UTS2B: variants seen among roughly 807,000 people sequenced by gnomAD.
UTS2B encodes the protein urotensin-2B.
A neutral mutation model predicts 19.2 loss-of-function variants in UTS2B; 21 were observed. The observed-to-expected ratio is 1.09, with a 90% CI of 0.78 to 1.58. The LOEUF is 1.58. Among genes scored for constraint, UTS2B ranks in the 40% most tolerant of loss-of-function variants. The pLI, the probability that UTS2B is intolerant of heterozygous loss-of-function variation, is 0.00. For synonymous variants in UTS2B, 57 were observed against 50.2 expected, an observed-to-expected ratio of 1.14 and a Z score of -0.58; for missense variants, 138 against 130.3, an observed-to-expected ratio of 1.06 and a Z score of -0.29.
intron 3 of UTS2B, among the ~76,000 whole-genome samples, chr3:191,307,838 T>TC (rs1491346858): frequency 1.5e-3 from 96 of 63,278 alleles, no homozygotes; most frequent in African/African-American, 7.5e-3. Context: ...TTTTCTTCTC[T>TC]TTTTTTTTTT....
chr3:191,287,004 C>CA (rs34046617), intron 4 of UTS2B, among the ~76,000 whole-genome samples: 1 of 151,130 alleles, frequency 6.6e-6, no homozygotes, highest in African/African-American at 2.4e-5. Flanking sequence ...TGAATAACTT[C>CA]AAAAAAAATG....
chr3:191,296,637 T>C (rs1297121936), intron 4 of UTS2B, among the ~76,000 whole-genome samples: 2 of 152,212 alleles, frequency 1.3e-5, no homozygotes, highest in Non-Finnish European at 2.9e-5. Context: ...AGAACACTTG[T>C]GGTTCTGTTT....
At chr3:191,305,660 T>C (rs1466838703) in intron 3 of UTS2B, among the ~76,000 whole-genome samples, 3 of 152,216 alleles carry the variant, frequency 2.0e-5, no homozygotes, top group Non-Finnish European at 2.9e-5. Context: ...AGAAGCTTCT[T>C]AGTTTAATTA....
chr3:191,306,459 C>T (rs777138918), intron 3 of UTS2B, among the ~76,000 whole-genome samples: 1 of 152,094 alleles, frequency 6.6e-6, no homozygotes, highest in Non-Finnish European at 1.5e-5. Flanking sequence ...ATTTTAATCC[C>T]TCCTTCCCAA....
the UTS2B span, among the ~76,000 whole-genome samples, chr3:191,342,961 G>A: frequency 2.0e-5 from 3 of 152,216 alleles, no homozygotes; most frequent in African/African-American, 4.8e-5. Context: ...AAAATATCCT[G>A]CAGTGCTCAA....
intron 2 of UTS2B, among the ~76,000 whole-genome samples, chr3:191,325,914 C>T (rs969409954): frequency 1.3e-5 from 2 of 152,148 alleles, no homozygotes; most frequent in African/African-American, 4.8e-5. Context: ...TTATTTAAGC[C>T]ATTCAGTCTG....
At chr3:191,299,868 A>C (rs574694474) in intron 4 of UTS2B, among the ~76,000 whole-genome samples, 47 of 152,362 alleles carry the variant, frequency 3.1e-4, no homozygotes, top group African/African-American at 1.1e-3. Flanking sequence ...ACAGGGGTGG[A>C]GCTGCCCAAG....
chr3:191,301,926 T>C (rs924539884), intron 4 of UTS2B, among the ~76,000 whole-genome samples: 1 of 152,188 alleles, frequency 6.6e-6, no homozygotes, highest in Non-Finnish European at 1.5e-5. Context: ...GTTTTTATCC[T>C]GCTTGTGTCA....
At chr3:191,274,774 T>TA (rs1468959192) in intron 8 of UTS2B, among the ~76,000 whole-genome samples, 2 of 151,986 alleles carry the variant, frequency 1.3e-5, no homozygotes, top group Non-Finnish European at 2.9e-5. Flanking sequence ...AAAAACAAAG[T>TA]AAGAAACAAT....
At chr3:191,336,848 A>G in the UTS2B span, among the ~76,000 whole-genome samples, 1 of 152,252 alleles carries the variant, frequency 6.6e-6, no homozygotes, top group South Asian at 2.1e-4. Context: ...TCTGATAAAG[A>G]ATGAGCAGTA....
At chr3:191,289,454 C>T (rs56148536) in intron 4 of UTS2B, among the ~76,000 whole-genome samples, 39 of 103,632 alleles carry the variant, frequency 3.8e-4, no homozygotes, top group Admixed American at 7.0e-4. Context: ...AAATAAAAAA[C>T]AAACGAAATT....
At chr3:191,276,892 T>TTAATTTGAAG in intron 6 of UTS2B, 48 bp from the exon 7 acceptor site, 1 of 1,562,490 alleles carries the variant, frequency 6.4e-7, no homozygotes, top group East Asian at 2.3e-5. Context: ...GCAAGTAATA[T>TTAATTTGAAG]TTAATTTGCT....
chr3:191,337,985 C>A, the UTS2B span, among the ~76,000 whole-genome samples: 4 of 152,082 alleles, frequency 2.6e-5, no homozygotes, highest in Admixed American at 2.0e-4. Flanking sequence ...CATTTCCAGT[C>A]CTGATACAGC....
At chr3:191,306,827 T>C (rs916627987) in intron 3 of UTS2B, among the ~76,000 whole-genome samples, 1 of 152,144 alleles carries the variant, frequency 6.6e-6, no homozygotes, top group African/African-American at 2.4e-5. Flanking sequence ...AGACAGAGTT[T>C]CACCGTGTTG....
At chr3:191,329,948 G>T (rs999248036) in intron 1 of UTS2B, among the ~76,000 whole-genome samples, 26 of 143,594 alleles carry the variant, frequency 1.8e-4, no homozygotes, top group Admixed American at 4.2e-4. Flanking sequence ...TGGTTGGGGG[G>T]GGGGGGGGCT....
the UTS2B span, among the ~76,000 whole-genome samples, chr3:191,336,230 T>C: frequency 6.6e-6 from 1 of 152,104 alleles, no homozygotes; most frequent in African/African-American, 2.4e-5. Flanking sequence ...ATGTTAAAAT[T>C]GTCAAACTGT....
intron 4 of UTS2B, among the ~76,000 whole-genome samples, chr3:191,291,358 A>G (rs1005452893): frequency 2.0e-5 from 3 of 152,168 alleles, no homozygotes; most frequent in African/African-American, 4.8e-5. Flanking sequence ...TTTGAGTACT[A>G]TAAGAAACTA....
chr3:191,329,663 C>A, intron 1 of UTS2B: 1 of 1,607,402 alleles, frequency 6.2e-7, no homozygotes, highest in Non-Finnish European at 8.5e-7. Flanking sequence ...GCAACCGGGA[C>A]CCTGGCCCGG....
rs762585855 is a variant in UTS2B at position 191,326,085 on chromosome 3, A to G, written c.-586+2546T>C. Among the ~76,000 whole-genome samples, 5 of 152,212 alleles carry G rather than the reference A, an allele frequency of 3.3e-5. 1 individual carries two copies. Among genetic ancestry groups the G allele is most frequent in the Non-Finnish European group, 5.9e-5 (4 of 68,038 alleles). On this transcript the variant is annotated intron_variant, in intron 2 of 8. Transcript: ENST00000340524. ...GCCAAGGAGACAGATAATTCTTTCC[A>G]GAAGTATAGTTCTGTGGGTCCCCTT... is the stretch of plus-strand genomic sequence containing the variant.
Sources: gnomAD v4.1 joint callset for allele counts (sites outside exome capture counted in the v4.1 genomes callset) on GRCh38, gnomAD v4.1.1 for gene constraint, MANE v1.5 for transcripts, NCBI Gene and HGNC (gene_info 2026-07-23, HGNC 2026-07-21) for gene names.